The following MROH1 variants were observed in gnomAD, a reference collection of about 807,000 sequenced individuals.
MROH1 encodes the protein maestro heat like repeat family member 1, also known as maestro heat-like repeat-containing protein family member 1.
A neutral mutation model predicts 116.5 loss-of-function variants in MROH1; 117 were observed. The ratio of observed to expected loss-of-function variants is 1.00; its 90% CI spans 0.86 to 1.17. The LOEUF (loss-of-function observed/expected upper bound fraction) is 1.17. Among genes scored for constraint, MROH1 ranks in the 50% most tolerant of loss-of-function variants. The probability of loss-of-function intolerance (pLI) is 0.00; values close to 1 mark genes in which losing one functional copy is unlikely to be tolerated. For synonymous variants in MROH1, 921 were observed against 583.9 expected (o/e 1.58, Z -8.32); for missense variants, 1,873 against 1,338.5 (o/e 1.40, Z -6.23).
chr8:144,176,208 A>G (rs1344934768), intron 4 of MROH1, among the ~76,000 whole-genome samples: 1 of 151,978 alleles, frequency 6.6e-6, no homozygotes, highest in Non-Finnish European at 1.5e-5. Context: ...TTCTACTGAA[A>G]ATACAAAAAA....
chr8:144,205,934 A>G (rs1832716326), intron 12 of MROH1, among the ~76,000 whole-genome samples: 2 of 152,224 alleles, frequency 1.3e-5, no homozygotes, highest in Non-Finnish European at 2.9e-5. Context: ...CATTTTACAC[A>G]TTGTTCACCC....
In MROH1 at chr8:144,163,099, G is replaced by C. The variant is rs1373905489; in HGVS notation, c.-56-672G>C. Among the ~76,000 whole-genome samples, 1 of 152,200 alleles carries C rather than the reference G, an allele frequency of 6.6e-6. No individual in the cohort carries two copies. Among genetic ancestry groups the C allele is most frequent in the African/African-American group, 2.4e-5 (1 of 41,446 alleles). ...GGAGGTGTCCTGGCTGGTCAGGGAT[G>C]GGTCATGGTGTCTCTCCTTCATTTT... is the stretch of plus-strand genomic sequence containing the variant. On this transcript the variant is annotated intron_variant, in intron 2 of 43. Coordinates refer to ENST00000326134, the MANE Select transcript of MROH1 (RefSeq NM_032450.3). The surrounding 1 kb of genome is among the most constrained non-coding windows in gnomAD (Gnocchi z 4.4).
chr8:144,222,011 G>A (rs957106666), intron 13 of MROH1, among the ~76,000 whole-genome samples: 4 of 124,656 alleles, frequency 3.2e-5, no homozygotes, highest in Non-Finnish European at 5.8e-5. Context: ...GTTACTGGGC[G>A]AGGCTGGACA....
intron 11 of MROH1, 148 bp from the exon 12 acceptor site, chr8:144,200,280 C>A: frequency 1.6e-6 from 1 of 629,862 alleles, no homozygotes; most frequent in Non-Finnish European, 2.7e-6. Context: ...GGCATCGGAG[C>A]CAGGCCCAGC....
At chr8:144,191,214 C>T (rs767111024) in intron 8 of MROH1, among the ~76,000 whole-genome samples, 2 of 152,102 alleles carry the variant, frequency 1.3e-5, no homozygotes, top group Admixed American at 6.6e-5. Flanking sequence ...GGATTACAGG[C>T]GCCTGCCACC....
chr8:144,243,973 G>T, intron 26 of MROH1, 31 bp downstream of exon 26: 2 of 775,392 alleles, frequency 2.6e-6, no homozygotes, highest in Non-Finnish European at 2.4e-6. Context: ...ACAGGCCCGT[G>T]CAGCTGCGTG....
intron 1 of MROH1, among the ~76,000 whole-genome samples, chr8:144,151,950 C>G (rs1469386747): frequency 6.6e-6 from 1 of 152,228 alleles, no homozygotes; most frequent in Non-Finnish European, 1.5e-5. Flanking sequence ...GCAGTCAGCA[C>G]AGTCCCCATA....
intron 4 of MROH1, among the ~76,000 whole-genome samples, chr8:144,172,146 T>C (rs1433816519): frequency 6.6e-6 from 1 of 152,204 alleles, no homozygotes; most frequent in East Asian, 1.9e-4. Flanking sequence ...GAAATGGCCC[T>C]GCAAAACCAT....
intron 8 of MROH1, among the ~76,000 whole-genome samples, chr8:144,191,157 CCT>C (rs1391588278): frequency 3.9e-5 from 6 of 152,202 alleles, no homozygotes; most frequent in Admixed American, 2.0e-4. Context: ...GCAGCCTCCG[CCT>C]CTCTGCTTCA....
rs986359637 is a variant in MROH1, at chr8:144,167,620, T to A, written c.23-675T>A. 1.0e-3 allele frequency among the ~76,000 whole-genome samples: 154 copies of A among 152,154 alleles called. 1 individual carries two copies. Among genetic ancestry groups the A allele is most frequent in the Middle Eastern group, 3.4e-3 (1 of 294 alleles). ...GGGTGGAGCGGCCAGTTGGCACAAG[T>A]CCCTGGGATGCTTGGCCTGCCCTTT... On this transcript the variant is annotated intron_variant, in intron 3 of 43. Coordinates refer to ENST00000326134, the MANE Select transcript of MROH1 (RefSeq NM_032450.3).
rs1839621583 is a variant in MROH1 at position 144,234,498 on chromosome 8, G to GTTTTTGTTTTTTTTTTT, written c.1339-4253_1339-4252insGTTTTTTTTTTTTTTTT. On this transcript the variant is annotated intron_variant, in intron 14 of 43. Transcript: ENST00000326134. The stretch of plus-strand genomic sequence containing the variant: ...AATGGAATTATTTTCTTTCTTTTTC[G>GTTTTTGTTTTTTTTTTT]TTTTTTTTTTTTTTTTTTTTTTTTT... 1.1e-3 allele frequency among the ~76,000 whole-genome samples: 20 copies of GTTTTTGTTTTTTTTTTT among 18,102 alleles called. 2 individuals carry two copies. Among genetic ancestry groups the GTTTTTGTTTTTTTTTTT allele is most frequent in the Admixed American group, 1.6e-3 (2 of 1,214 alleles). 11.9% of individuals were successfully genotyped at this position (18,102 alleles called of 152,430 possible). A position where few individuals can be genotyped will look rare whatever the true frequency, so the allele number is the denominator to read the frequency against.
chr8:144,157,041 C>T (rs1304341236), intron 1 of MROH1, among the ~76,000 whole-genome samples: 3 of 151,574 alleles, frequency 2.0e-5, no homozygotes, highest in Admixed American at 2.0e-4. Context: ...CTGCAACCTC[C>T]GCCTCCCGCA....
intron 33 of MROH1, among the ~76,000 whole-genome samples, chr8:144,253,885 A>G (rs1735791253): frequency 6.6e-6 from 1 of 151,804 alleles, no homozygotes; most frequent in Non-Finnish European, 1.5e-5. Flanking sequence ...CTAGCACCGC[A>G]TCTGTCCAGG....
rs79996381 is a variant in MROH1, at chr8:144,178,436, C to CT, written c.169-1007dup. Among the ~76,000 whole-genome samples, 877 of 109,042 alleles carry CT rather than the reference C, an allele frequency of 8.0e-3. 4 individuals are homozygous for CT. The highest frequency in any genetic ancestry group is 0.021 in the African/African-American group (619 of 28,926). 71.5% of individuals were successfully genotyped at this position (109,042 alleles called of 152,430 possible). On this transcript the variant is annotated intron_variant, in intron 4 of 43. Coordinates refer to ENST00000326134, the MANE Select transcript of MROH1 (RefSeq NM_032450.3). ...CGTGAGCCACCACGCACGGCCTGTA[C>CT]TTTTTTTTTTTTAGTAGAGACAGGG...
intron 7 of MROH1, among the ~76,000 whole-genome samples, chr8:144,183,458 A>G (rs1826178357): frequency 6.6e-6 from 1 of 150,600 alleles, no homozygotes; most frequent in Non-Finnish European, 1.5e-5. Context: ...TGTTATTCTG[A>G]AAAAACTTCC....
At chr8:144,236,870 CTG>C (rs1474831270) in intron 14 of MROH1, among the ~76,000 whole-genome samples, 1 of 145,338 alleles carries the variant, frequency 6.9e-6, no homozygotes, top group African/African-American at 2.6e-5. Flanking sequence ...TCTTTGGCCT[CTG>C]TTGTGACAGA....
rs1050429967 is a variant in MROH1, at chr8:144,182,049, T to C, written c.562+1526T>C. On this transcript the variant is annotated intron_variant, in intron 7 of 43. Transcript: ENST00000326134. The surrounding 1 kb of genome is among the most constrained non-coding windows in gnomAD (Gnocchi z 4.1). Reference sequence around the variant, plus strand: ...CCATGGGACCTCCTCGTGTGGGACGTGTGCTCCCCACCACAAATGGAACGT... The same window carrying C: ...CCATGGGACCTCCTCGTGTGGGACGCGTGCTCCCCACCACAAATGGAACGT... 5.9e-5 allele frequency among the ~76,000 whole-genome samples: 9 copies of C among 152,168 alleles called. No individual in the cohort carries two copies. The highest frequency in any genetic ancestry group is 1.7e-4 in the African/African-American group (7 of 41,446).
At chr8:144,222,718 A>G (rs1236174332) in intron 13 of MROH1, among the ~76,000 whole-genome samples, 2 of 150,818 alleles carry the variant, frequency 1.3e-5, no homozygotes, top group African/African-American at 4.9e-5. Flanking sequence ...AGATGCAGGT[A>G]TGGATGCAGG....
rs2132919475 is a variant in MROH1, at chr8:144,241,500, A to G, written c.2161A>G (p.Ile721Val). 5 of 778,616 alleles carry G rather than the reference A, an allele frequency of 6.4e-6. 1 individual carries two copies. In the South Asian group the frequency reaches 6.7e-5, roughly 10 times the overall value. The allele number at this position is 778,616 out of a possible 1,614,324, so 48.2% of individuals were successfully genotyped here. A position where few individuals can be genotyped will look rare whatever the true frequency, so the allele number is the denominator to read the frequency against. The change falls in exon 22 of 44, where the codon ATT becomes GTT. Residue 721 changes from isoleucine (I) to valine (V), a missense_variant. Coordinates refer to ENST00000326134, the MANE Select transcript of MROH1 (RefSeq NM_032450.3). ...AGAGGTCTTCAGAAAATCCATTGGC[A>G]TTCTCAACATTTTTAAGGTTAGGGT... ...RSEVFRKSIGILNIFKDRSEN... is the reference protein window; with the variant it reads ...RSEVFRKSIGVLNIFKDRSEN...
Sources: allele counts gnomAD v4.1 joint callset (sites outside exome capture counted in the v4.1 genomes callset), GRCh38; gene constraint gnomAD v4.1.1; non-coding constraint Gnocchi (gnomAD v3.1); transcripts MANE v1.5; gene names NCBI Gene and HGNC (gene_info 2026-07-23, HGNC 2026-07-21).